The following SKAP2 variants were observed in gnomAD, a reference collection of about 807,000 sequenced individuals.
SKAP2 encodes the protein src kinase-associated phosphoprotein 2.
Under a neutral mutation model 54.9 loss-of-function variants are expected in SKAP2, and 28 were observed. The ratio of observed to expected loss-of-function variants is 0.51; its 90% CI spans 0.38 to 0.70. The LOEUF is 0.70. Among genes scored for constraint, SKAP2 ranks in the 30% least tolerant of loss-of-function variants. The probability of loss-of-function intolerance (pLI) is 0.00; values close to 1 mark genes in which losing one functional copy is unlikely to be tolerated. For synonymous variants in SKAP2, 137 were observed against 134.3 expected (o/e 1.02, Z -0.14); for missense variants, 356 against 424.1 (o/e 0.84, Z 1.41).
Position 26,694,929 on chromosome 7 carries a change from T to C in SKAP2, c.797-4567A>G, listed in dbSNP as rs114675567. Among the ~76,000 whole-genome samples, 973 of 152,166 alleles carry C rather than the reference T, an allele frequency of 6.4e-3. 7 individuals are homozygous for C. Among genetic ancestry groups the C allele is most frequent in the African/African-American group, 0.022 (930 of 41,530 alleles). ...GTCTAGCTATGCAGTTTTTACAAAA[T>C]GGGCATTTACGGCTTACTAATGTTC... On this transcript the variant is annotated intron_variant, in intron 9 of 12. Transcript: ENST00000345317.
chr7:26,824,794 G>T (rs1187357773), intron 4 of SKAP2, among the ~76,000 whole-genome samples: 2 of 152,060 alleles, frequency 1.3e-5, no homozygotes, highest in African/African-American at 2.4e-5. Context: ...ATAAAATATA[G>T]CAACAAGCCA....
chr7:26,780,361 G>T (rs1172291092), intron 4 of SKAP2, among the ~76,000 whole-genome samples: 1 of 152,056 alleles, frequency 6.6e-6, no homozygotes, highest in African/African-American at 2.4e-5. Flanking sequence ...CATTCATTTG[G>T]TTTTGAATGA....
intron 4 of SKAP2, among the ~76,000 whole-genome samples, chr7:26,816,822 C>G (rs990887546): frequency 1.3e-5 from 2 of 152,174 alleles, no homozygotes; most frequent in Admixed American, 1.3e-4. Context: ...TTAGTCAAAT[C>G]ACAGGCATAA....
Position 26,725,496 on chromosome 7 carries a change from G to A in SKAP2, c.728C>T (p.Pro243Leu). ...TGTTAGTGGATTGCTTATTGGTAGA[G>A]GATGATCAACATCATCATATAATTC... Reference protein sequence around the residue: ...RGELYDDVDHPLPISNPLTSS... With the variant: ...RGELYDDVDHLLPISNPLTSS... Residue 243 changes from proline (P) to leucine (L), a missense_variant, in exon 9 of 13, where the codon CCT becomes CTT. Pro to Leu is a moderately conservative substitution (Grantham distance 98). Transcript: ENST00000345317. 6.2e-7 allele frequency: 1 copy of A among 1,611,716 alleles called. No homozygotes were observed. The highest frequency in any genetic ancestry group is 8.5e-7 in the Non-Finnish European group (1 of 1,179,176).
intron 9 of SKAP2, among the ~76,000 whole-genome samples, chr7:26,705,375 G>A (rs1333567983): frequency 6.6e-6 from 1 of 152,074 alleles, no homozygotes; most frequent in Admixed American, 6.6e-5. Flanking sequence ...ACTTAATTAA[G>A]GGATCATTCA....
chr7:26,723,550 G>A (rs925680827), intron 9 of SKAP2, among the ~76,000 whole-genome samples: 1 of 152,228 alleles, frequency 6.6e-6, no homozygotes, highest in Admixed American at 6.5e-5. Flanking sequence ...GTGAGGGTGG[G>A]TGAGGAGGGG....
chr7:26,854,649 C>T, intron 2 of SKAP2, 136 bp downstream of exon 2: 3 of 772,704 alleles, frequency 3.9e-6, no homozygotes, highest in Non-Finnish European at 6.1e-6. Context: ...ATATTTTTTG[C>T]CCTTCAAAAA....
At chr7:26,757,962 C>T (rs1040646101) in intron 4 of SKAP2, among the ~76,000 whole-genome samples, 11 of 152,272 alleles carry the variant, frequency 7.2e-5, no homozygotes, top group African/African-American at 2.4e-4. Flanking sequence ...AGGGTTTCAC[C>T]GTGTTAGCCA....
intron 11 of SKAP2, among the ~76,000 whole-genome samples, chr7:26,671,501 T>C (rs768057672): frequency 2.0e-5 from 3 of 152,058 alleles, no homozygotes; most frequent in Non-Finnish European, 2.9e-5. Flanking sequence ...TGTATTGATA[T>C]GTAGTCTATC....
intron 11 of SKAP2, among the ~76,000 whole-genome samples, chr7:26,673,935 T>C (rs1786295556): frequency 6.6e-6 from 1 of 152,142 alleles, no homozygotes; most frequent in East Asian, 1.9e-4. Flanking sequence ...CTTTCTCTGC[T>C]GGAATATTAT....
chr7:26,783,258 T>C (rs1329479389), intron 4 of SKAP2, among the ~76,000 whole-genome samples: 3 of 152,304 alleles, frequency 2.0e-5, no homozygotes, highest in East Asian at 3.9e-4. Flanking sequence ...CCAAGGTCTG[T>C]TGACTTGTGT....
chr7:26,863,447 T>C (rs1199728930), intron 1 of SKAP2, among the ~76,000 whole-genome samples: 10 of 152,156 alleles, frequency 6.6e-5, no homozygotes, highest in Admixed American at 1.3e-4. Flanking sequence ...TAAATGATGG[T>C]TGAAATTCCA....
intron 3 of SKAP2, among the ~76,000 whole-genome samples, chr7:26,851,664 A>G (rs1785046418): frequency 6.6e-6 from 1 of 151,772 alleles, no homozygotes; most frequent in South Asian, 2.1e-4. Context: ...ATGTATACAT[A>G]TGTAACAAAC....
At chr7:26,759,783 A>AT (rs1782883571) in intron 4 of SKAP2, among the ~76,000 whole-genome samples, 1 of 152,182 alleles carries the variant, frequency 6.6e-6, no homozygotes, top group Admixed American at 6.5e-5. Flanking sequence ...ATTTCCTGTT[A>AT]TCCCCATCTT....
At chr7:26,766,418 C>T (rs1055414577) in intron 4 of SKAP2, among the ~76,000 whole-genome samples, 3 of 152,178 alleles carry the variant, frequency 2.0e-5, no homozygotes, top group African/African-American at 7.2e-5. Context: ...CATCTACAAA[C>T]AGAGACAATT....
intron 7 of SKAP2, 37 bp from the exon 8 acceptor site, chr7:26,726,023 T>G (rs201344888): frequency 7.5e-7 from 1 of 1,333,278 alleles, no homozygotes; most frequent in African/African-American, 1.5e-5. Flanking sequence ...AAAATCACCA[T>G]AGTAGGAATG....
chr7:26,848,121 T>C (rs1298831509), intron 3 of SKAP2: 1 of 152,218 alleles, frequency 6.6e-6, no homozygotes, highest in African/African-American at 2.4e-5. Context: ...CTATTAGCCA[T>C]TCTTTCTGAT....
chr7:26,797,153 A>C (rs1783798202), intron 4 of SKAP2, among the ~76,000 whole-genome samples: 1 of 152,234 alleles, frequency 6.6e-6, no homozygotes, highest in Admixed American at 6.5e-5. Context: ...AGGAAAGGAC[A>C]CAGTCCTGGC....
intron 9 of SKAP2, among the ~76,000 whole-genome samples, chr7:26,723,967 C>G (rs1459243880): frequency 6.6e-6 from 1 of 151,928 alleles, no homozygotes; most frequent in Non-Finnish European, 1.5e-5. Context: ...AATATTCTTC[C>G]CTACTTGAGG....
Sources: allele counts gnomAD v4.1 joint callset (sites outside exome capture counted in the v4.1 genomes callset), GRCh38; gene constraint gnomAD v4.1.1; transcripts MANE v1.5; gene names NCBI Gene and HGNC (gene_info 2026-07-23, HGNC 2026-07-21).